Variants in NEGR1 observed in about 807,000 individuals in gnomAD.
The protein encoded by NEGR1 is neuronal growth regulator 1, also known as IgLON family member 4.
A neutral mutation model predicts 40.9 loss-of-function variants in NEGR1; 10 were observed. That is an observed-to-expected ratio of 0.24 (90% CI 0.15 to 0.42). The LOEUF is 0.42. NEGR1 is among the 10% of genes least tolerant of loss of function. NEGR1 has a pLI of 1.00. For synonymous variants in NEGR1, 185 were observed against 166.8 expected (o/e 1.11, Z -0.84); for missense variants, 352 against 438.9 (o/e 0.80, Z 1.77).
At chr1:72,077,800 G>A (rs1361229133) in intron 1 of NEGR1, among the ~76,000 whole-genome samples, 2 of 152,000 alleles carry the variant, frequency 1.3e-5, no homozygotes, top group African/African-American at 4.8e-5. Flanking sequence ...GATAGAGAGA[G>A]GCCCTGTCTC....
intron 2 of NEGR1, among the ~76,000 whole-genome samples, chr1:71,881,031 T>G (rs2101843028): frequency 6.6e-6 from 1 of 152,134 alleles, no homozygotes; most frequent in Non-Finnish European, 1.5e-5. Context: ...TAAAAGCAAT[T>G]TATTTTATTG....
intron 2 of NEGR1, among the ~76,000 whole-genome samples, chr1:71,787,273 T>C (rs1380555966): frequency 6.6e-6 from 1 of 152,200 alleles, no homozygotes; most frequent in Non-Finnish European, 1.5e-5. Flanking sequence ...GCCAGTGTGG[T>C]GTTGGTATCA....
At chr1:72,035,205 G>T (rs1001213704) in intron 1 of NEGR1, among the ~76,000 whole-genome samples, 1 of 152,054 alleles carries the variant, frequency 6.6e-6, no homozygotes, top group African/African-American at 2.4e-5. Context: ...GCCGCAAACC[G>T]GAGACCCTCT....
At chr1:71,452,143 C>T (rs931960036) in intron 6 of NEGR1, among the ~76,000 whole-genome samples, 1 of 152,200 alleles carries the variant, frequency 6.6e-6, no homozygotes, top group African/African-American at 2.4e-5. Context: ...CATACACACA[C>T]TCACACATAT....
At chr1:71,943,341 A>G (rs1050455881) in intron 1 of NEGR1, among the ~76,000 whole-genome samples, 1 of 150,738 alleles carries the variant, frequency 6.6e-6, no homozygotes, top group Admixed American at 6.6e-5. Context: ...AGCCATTTAT[A>G]TATATACATA....
intron 4 of NEGR1, among the ~76,000 whole-genome samples, chr1:71,679,884 T>G (rs1652773697): frequency 6.6e-6 from 1 of 152,104 alleles, no homozygotes; most frequent in Non-Finnish European, 1.5e-5. Context: ...TATGATAATA[T>G]GTTGTTTTAT....
At chr1:71,647,007 T>C (rs1461310789) in intron 4 of NEGR1, among the ~76,000 whole-genome samples, 1 of 151,852 alleles carries the variant, frequency 6.6e-6, no homozygotes, top group Non-Finnish European at 1.5e-5. Flanking sequence ...ATAATCTTCA[T>C]GTTTAGAAGT....
chr1:71,645,996 T>C (rs942061675), intron 4 of NEGR1, among the ~76,000 whole-genome samples: 4 of 151,688 alleles, frequency 2.6e-5, no homozygotes, highest in African/African-American at 7.3e-5. Context: ...ATTGCCCCCT[T>C]ACCTTAAAGA....
intron 5 of NEGR1, among the ~76,000 whole-genome samples, chr1:71,599,847 G>A (rs1023916021): frequency 4.6e-5 from 7 of 152,058 alleles, no homozygotes; most frequent in Non-Finnish European, 7.4e-5. Flanking sequence ...TTAACCCTAC[G>A]TTAAATAAAC....
intron 2 of NEGR1, among the ~76,000 whole-genome samples, chr1:71,779,586 GAC>G (rs1656628459): frequency 3.4e-5 from 5 of 148,576 alleles, no homozygotes; most frequent in African/African-American, 5.0e-5. Context: ...TTCTTTTTTT[GAC>G]AGAGTCTCTC....
At chr1:72,040,925 C>CA (rs1411254803) in intron 1 of NEGR1, among the ~76,000 whole-genome samples, 1 of 151,874 alleles carries the variant, frequency 6.6e-6, no homozygotes, top group Non-Finnish European at 1.5e-5. Context: ...AAGGTAGACC[C>CA]AATCAGAAGC....
intron 6 of NEGR1, among the ~76,000 whole-genome samples, chr1:71,577,371 C>A (rs1648998398): frequency 6.6e-6 from 1 of 152,094 alleles, no homozygotes; most frequent in Non-Finnish European, 1.5e-5. Context: ...TAAGGGATCA[C>A]CTAGGAAGAA....
chr1:71,582,275 A>G (rs1429335854), intron 6 of NEGR1, among the ~76,000 whole-genome samples: 3 of 152,356 alleles, frequency 2.0e-5, no homozygotes, highest in East Asian at 3.9e-4. Context: ...AGTGTTTAAC[A>G]AAAGACTGTT....
intron 1 of NEGR1, among the ~76,000 whole-genome samples, chr1:72,208,751 G>T (rs1858601): frequency 0.15 from 22,573 of 151,470 alleles, 1,930 homozygotes; most frequent in Non-Finnish European, 0.19. Flanking sequence ...ATGCTGCAAT[G>T]ATTTAAAGAG....
intron 6 of NEGR1, among the ~76,000 whole-genome samples, chr1:71,425,112 T>TA (rs200045273): frequency 2.7e-5 from 4 of 147,994 alleles, no homozygotes; most frequent in Admixed American, 6.8e-5. Flanking sequence ...AGTTAGAAAT[T>TA]AAAAAAAAAA....
At chr1:71,408,212 A>C (rs1266682088) in intron 6 of NEGR1, among the ~76,000 whole-genome samples, 1 of 152,044 alleles carries the variant, frequency 6.6e-6, no homozygotes, top group Non-Finnish European at 1.5e-5. Context: ...AAGGCATAAT[A>C]AAAGGACAGA....
At chr1:71,946,175 C>T (rs962771391) in intron 1 of NEGR1, among the ~76,000 whole-genome samples, 1 of 152,096 alleles carries the variant, frequency 6.6e-6, no homozygotes, top group Non-Finnish European at 1.5e-5. Flanking sequence ...TAGCCTCTCT[C>T]CACATGTCCT....
chr1:72,019,964 G>A (rs1350657531), intron 1 of NEGR1, among the ~76,000 whole-genome samples: 1 of 152,204 alleles, frequency 6.6e-6, no homozygotes, highest in Non-Finnish European at 1.5e-5. Context: ...ACCTAATGCT[G>A]CAAAGCAGAT....
intron 1 of NEGR1, among the ~76,000 whole-genome samples, chr1:72,277,911 G>C (rs369316354): frequency 1.7e-3 from 260 of 152,146 alleles, no homozygotes; most frequent in Non-Finnish European, 3.0e-3. Flanking sequence ...ACTGCTATTG[G>C]TAATTCTGTA....
Sources: allele counts gnomAD v4.1 joint callset (sites outside exome capture counted in the v4.1 genomes callset), GRCh38; gene constraint gnomAD v4.1.1; transcripts MANE v1.5; gene names NCBI Gene and HGNC (gene_info 2026-07-23, HGNC 2026-07-21).